RGS7BP: variants seen among roughly 807,000 people sequenced by gnomAD.
RGS7BP encodes the protein regulator of G protein signaling 7 binding protein.
In RGS7BP, 9 loss-of-function variants were observed where a neutral mutation model predicts 31.3. The ratio of observed to expected loss-of-function variants is 0.29; its 90% CI spans 0.17 to 0.50. The LOEUF is 0.50. Among genes scored for constraint, RGS7BP ranks in the 20% least tolerant of loss-of-function variants. The pLI, the probability that RGS7BP is intolerant of heterozygous loss-of-function variation, is 0.98. For synonymous variants in RGS7BP, 115 were observed against 120.1 expected (o/e 0.96, Z 0.28); for missense variants, 274 against 322.0 (o/e 0.85, Z 1.14).
chr5:64,558,789 G>A (rs566538275), intron 2 of RGS7BP, among the ~76,000 whole-genome samples: 1 of 152,158 alleles, frequency 6.6e-6, no homozygotes. Context: ...CCTGGGAAAA[G>A]AATGCATTCC....
At chr5:64,579,408 G>A (rs1298147751) in intron 3 of RGS7BP, among the ~76,000 whole-genome samples, 1 of 151,714 alleles carries the variant, frequency 6.6e-6, no homozygotes, top group African/African-American at 2.4e-5. Flanking sequence ...GCTGGGTGTG[G>A]TGGCATGTGC....
chr5:64,514,898 A>G (rs1409176547), intron 2 of RGS7BP, among the ~76,000 whole-genome samples: 2 of 152,216 alleles, frequency 1.3e-5, no homozygotes, highest in Admixed American at 6.5e-5. Context: ...TGGCATCAAG[A>G]CAAGTGTTCT....
chr5:64,601,323 C>T, intron 5 of RGS7BP: 1 of 297,178 alleles, frequency 3.4e-6, no homozygotes, highest in South Asian at 1.3e-4. Context: ...CAGGTTCTAA[C>T]TTGGCCGTCA....
chr5:64,538,704 C>T (rs1239535132), intron 2 of RGS7BP, among the ~76,000 whole-genome samples: 1 of 150,328 alleles, frequency 6.7e-6, no homozygotes, highest in Non-Finnish European at 1.5e-5. Flanking sequence ...TTACAGGCAC[C>T]CGCACCATGC....
intron 2 of RGS7BP, among the ~76,000 whole-genome samples, chr5:64,517,010 C>T (rs1181902648): frequency 1.4e-5 from 2 of 146,938 alleles, no homozygotes; most frequent in African/African-American, 5.1e-5. Flanking sequence ...GGTTTATTCT[C>T]GCCCAGAAAA....
In RGS7BP at chr5:64,597,256, T is replaced by G. The variant is rs1163178720; in HGVS notation, c.612-1109T>G. On this transcript the variant is annotated intron_variant, in intron 4 of 5. Transcript: ENST00000334025. The stretch of plus-strand genomic sequence containing the variant: ...TAGACTAGAAGCCTCCTGAGATGGC[T>G]TCCTGCTTTACAATTCTGGGGTTTT... Among the ~76,000 whole-genome samples the G allele has an allele frequency of 2.6e-5, 4 of 152,088 alleles. No homozygotes were observed. In the East Asian group the frequency reaches 7.8e-4, roughly 29 times the overall value.
In RGS7BP at chr5:64,562,452, G is replaced by A. The variant is rs138495873; in HGVS notation, c.333-13322G>A. Among the ~76,000 whole-genome samples, 1,362 of 152,166 alleles carry A rather than the reference G, an allele frequency of 9.0e-3. 10 individuals carry two copies. The highest frequency in any genetic ancestry group is 0.013 in the Non-Finnish European group (869 of 67,982). ...TGATTTGAGGCACTGAGAGATTAAGGAACTTGCCCAAAATCACACACTTGT... is the reference window on the plus strand; with the variant it reads ...TGATTTGAGGCACTGAGAGATTAAGAAACTTGCCCAAAATCACACACTTGT... On this transcript the variant is annotated intron_variant, in intron 2 of 5. Transcript: ENST00000334025.
chr5:64,566,569 A>G (rs890266507), intron 2 of RGS7BP, among the ~76,000 whole-genome samples: 1 of 152,086 alleles, frequency 6.6e-6, no homozygotes, highest in South Asian at 2.1e-4. Context: ...ATGCTTGTTC[A>G]TACGTTGCAT....
intron 2 of RGS7BP, among the ~76,000 whole-genome samples, chr5:64,564,683 T>C (rs1159784876): frequency 6.6e-6 from 1 of 152,096 alleles, no homozygotes; most frequent in Non-Finnish European, 1.5e-5. Flanking sequence ...CCTCCTAAAA[T>C]GTGGTTGTTT....
chr5:64,555,447 C>A (rs1391159266), intron 2 of RGS7BP, among the ~76,000 whole-genome samples: 3 of 151,858 alleles, frequency 2.0e-5, no homozygotes, highest in African/African-American at 7.3e-5. Flanking sequence ...GTTTTTTTAA[C>A]CTTCAAACAA....
intron 2 of RGS7BP, among the ~76,000 whole-genome samples, chr5:64,563,351 G>T (rs1393913513): frequency 6.6e-6 from 1 of 152,044 alleles, no homozygotes; most frequent in Admixed American, 6.6e-5. Flanking sequence ...TGAAGTCTTA[G>T]CCCTTATTTG....
intron 2 of RGS7BP, among the ~76,000 whole-genome samples, chr5:64,568,972 C>T (rs1309914662): frequency 2.6e-5 from 4 of 151,960 alleles, no homozygotes; most frequent in African/African-American, 4.8e-5. Flanking sequence ...AGATGGTCAC[C>T]GGAATATCGC....
chr5:64,593,531 G>A lies in RGS7BP; in HGVS notation c.464-1179G>A, dbSNP rs957195713. Among the ~76,000 whole-genome samples, 3 of 152,220 alleles carry A rather than the reference G, an allele frequency of 2.0e-5. No individual in the cohort carries two copies. In the South Asian group the frequency reaches 6.2e-4, roughly 32 times the overall value. ...TAACAATTACTTAACAACTAGTCTGGAGTTATATCTGCATGACAAAAATAA... is the reference window on the plus strand; with the variant it reads ...TAACAATTACTTAACAACTAGTCTGAAGTTATATCTGCATGACAAAAATAA... On this transcript the variant is annotated intron_variant, in intron 3 of 5. Transcript: ENST00000334025.
In RGS7BP at chr5:64,506,537, T is replaced by G; in HGVS notation, c.-88T>G. ...GCGCGCCTCAGGTCCGGGCTCCGGC[T>G]GCTTGGCGGCGGCGCCCAGGGCAAC... is the stretch of plus-strand genomic sequence containing the variant. On this transcript the variant is annotated 5_prime_UTR_variant, in exon 1 of 6. Transcript: ENST00000334025. This position sits in a 1 kb window ranked among gnomAD's most constrained non-coding sequence, Gnocchi z 4.6. 1 of 1,255,720 alleles carries G rather than the reference T, an allele frequency of 8.0e-7. No individual in the cohort carries two copies. Among genetic ancestry groups the G allele is most frequent in the Non-Finnish European group, 1.1e-6 (1 of 905,774 alleles). The allele number at this position is 1,255,720 out of a possible 1,614,324, so 77.8% of individuals were successfully genotyped here.
chr5:64,591,304 A>C (rs1580461154), intron 3 of RGS7BP, among the ~76,000 whole-genome samples: 3 of 152,218 alleles, frequency 2.0e-5, no homozygotes, highest in Non-Finnish European at 4.4e-5. Context: ...TATGTAACAA[A>C]CCTGCACCTA....
chr5:64,595,085 C>T (rs1743029911), intron 4 of RGS7BP, among the ~76,000 whole-genome samples: 1 of 152,190 alleles, frequency 6.6e-6, no homozygotes, highest in Non-Finnish European at 1.5e-5. Flanking sequence ...ACACTAGCAA[C>T]ACCCACAGTA....
chr5:64,535,596 G>C (rs1029594789), intron 2 of RGS7BP, among the ~76,000 whole-genome samples: 2 of 152,178 alleles, frequency 1.3e-5, no homozygotes, highest in Admixed American at 1.3e-4. Context: ...GACAGGAAAG[G>C]TTATCCAACA....
intron 2 of RGS7BP, among the ~76,000 whole-genome samples, chr5:64,548,664 A>G (rs1324263295): frequency 6.6e-6 from 1 of 151,688 alleles, no homozygotes; most frequent in African/African-American, 2.4e-5. Context: ...CCACCACTAC[A>G]TCTGGCTAAT....
intron 2 of RGS7BP, among the ~76,000 whole-genome samples, chr5:64,557,347 A>T: frequency 6.6e-6 from 1 of 151,888 alleles, no homozygotes; most frequent in Non-Finnish European, 1.5e-5. Context: ...TCCTGGTATT[A>T]CTCTTTCATT....
Sources: gnomAD v4.1 joint callset for allele counts (sites outside exome capture counted in the v4.1 genomes callset) on GRCh38, gnomAD v4.1.1 for gene constraint, Gnocchi (gnomAD v3.1) non-coding constraint, MANE v1.5 for transcripts, NCBI Gene and HGNC (gene_info 2026-07-23, HGNC 2026-07-21) for gene names.